RAB3GAP1: variants seen among roughly 807,000 people sequenced by gnomAD.
The protein encoded by RAB3GAP1 is RAB3 GTPase activating protein catalytic subunit 1, also known as rab3 GTPase-activating protein catalytic subunit.
RAB3GAP1 carries 86 observed loss-of-function variants against 130.7 expected under a neutral mutation model. The observed-to-expected ratio is 0.66, with a 90% CI of 0.55 to 0.79. The LOEUF (loss-of-function observed/expected upper bound fraction) is 0.79. Among genes scored for constraint, RAB3GAP1 ranks in the 30% least tolerant of loss-of-function variants. The pLI is 0.00. For missense variants in RAB3GAP1, 1,029 were observed against 1,169.4 expected (o/e 0.88, Z 1.75); for synonymous variants, 367 against 401.7 (o/e 0.91, Z 1.03).
At chr2:135,136,195 G>A (rs1025770974) in intron 17 of RAB3GAP1, among the ~76,000 whole-genome samples, 3 of 152,060 alleles carry the variant, frequency 2.0e-5, no homozygotes, top group East Asian at 1.9e-4. Flanking sequence ...GCACAGTGGC[G>A]CACACCTGTA....
At chr2:135,135,210 T>G (rs1691644992) in intron 15 of RAB3GAP1, 55 bp from the exon 16 acceptor site, 1 of 1,381,186 alleles carries the variant, frequency 7.2e-7, no homozygotes, top group African/African-American at 1.4e-5. Context: ...AATAATCATA[T>G]CTGAAGCAAT....
At chr2:135,056,489 C>T (rs982801920) in intron 2 of RAB3GAP1, among the ~76,000 whole-genome samples, 14 of 152,232 alleles carry the variant, frequency 9.2e-5, no homozygotes, top group African/African-American at 2.9e-4. Context: ...ACGCGTGAGC[C>T]GCTGTGCCTG....
intron 5 of RAB3GAP1, among the ~76,000 whole-genome samples, chr2:135,098,556 G>A (rs1356391997): frequency 1.3e-5 from 2 of 152,042 alleles, no homozygotes; most frequent in Non-Finnish European, 2.9e-5. Context: ...AAAATCTGAG[G>A]GTGAAAGCAG....
At chr2:135,079,761 A>G (rs1689734374) in intron 3 of RAB3GAP1, among the ~76,000 whole-genome samples, 1 of 152,210 alleles carries the variant, frequency 6.6e-6, no homozygotes, top group African/African-American at 2.4e-5. Context: ...GGTAAATGAG[A>G]TGGTAAATCA....
intron 16 of RAB3GAP1, 46 bp downstream of exon 16, chr2:135,135,365 C>A (rs2104950732): frequency 6.5e-7 from 1 of 1,529,018 alleles, no homozygotes; most frequent in Non-Finnish European, 9.1e-7. Flanking sequence ...TTGATTTAAT[C>A]AGATTATTCT....
chr2:135,125,119 T>G (rs916570479), intron 9 of RAB3GAP1, among the ~76,000 whole-genome samples: 5 of 152,210 alleles, frequency 3.3e-5, no homozygotes, highest in African/African-American at 1.2e-4. Context: ...CATTTCCCCT[T>G]AGTCTTCTCA....
At chr2:135,130,776 A>G (rs545791706) in intron 13 of RAB3GAP1, 55 bp downstream of exon 13, 2 of 1,506,726 alleles carry the variant, frequency 1.3e-6, no homozygotes, top group South Asian at 1.1e-5. Flanking sequence ...TATTCATTAT[A>G]TAGCCAGTTC....
intron 5 of RAB3GAP1, 63 bp from the exon 6 acceptor site, chr2:135,113,088 C>G: frequency 6.2e-7 from 1 of 1,608,386 alleles, no homozygotes; most frequent in Admixed American, 1.7e-5. Flanking sequence ...TTGTGCTTTT[C>G]AAGTAATGGA....
chr2:135,064,388 C>G (rs560256901), intron 3 of RAB3GAP1, among the ~76,000 whole-genome samples: 71 of 152,138 alleles, frequency 4.7e-4, no homozygotes, highest in Admixed American at 5.9e-4. Context: ...TCTTTTTTCT[C>G]TCTGTTCCTT....
intron 7 of RAB3GAP1, among the ~76,000 whole-genome samples, chr2:135,120,504 G>A (rs569944355): frequency 6.6e-6 from 1 of 152,238 alleles, no homozygotes; most frequent in African/African-American, 2.4e-5. Context: ...CTTACTATGG[G>A]ATCTTTCCTC....
At chr2:135,135,432 C>A in intron 16 of RAB3GAP1, 113 bp downstream of exon 16, 1 of 1,440,240 alleles carries the variant, frequency 6.9e-7, no homozygotes, top group Non-Finnish European at 9.7e-7. Flanking sequence ...TGTAGGTTGC[C>A]TATAGTCAGT....
chr2:135,103,927 G>C (rs7573600), intron 5 of RAB3GAP1, among the ~76,000 whole-genome samples: 47,669 of 152,054 alleles, frequency 0.31, 11,378 homozygotes, highest in African/African-American at 0.65. Context: ...CTACACATCC[G>C]TAGATGACAG....
At chr2:135,158,266 AT>A (rs1692371454) in intron 19 of RAB3GAP1, among the ~76,000 whole-genome samples, 1 of 152,092 alleles carries the variant, frequency 6.6e-6, no homozygotes, top group Admixed American at 6.6e-5. Flanking sequence ...TTTTTTAGAC[AT>A]TTAGTAACCA....
At chr2:135,062,737 G>A (rs1377127894) in intron 3 of RAB3GAP1, among the ~76,000 whole-genome samples, 1 of 152,108 alleles carries the variant, frequency 6.6e-6, no homozygotes. Flanking sequence ...TAGAGGTCTT[G>A]TATATCCTTT....
intron 3 of RAB3GAP1, among the ~76,000 whole-genome samples, chr2:135,069,230 G>C (rs963670554): frequency 2.0e-5 from 3 of 152,158 alleles, no homozygotes; most frequent in African/African-American, 7.2e-5. Context: ...CTTTGTATAA[G>C]ATATGCAGTG....
intron 3 of RAB3GAP1, among the ~76,000 whole-genome samples, chr2:135,088,688 C>CAA (rs1162700077): frequency 0.14 from 7,824 of 55,498 alleles, 801 homozygotes; most frequent in African/African-American, 0.31. Flanking sequence ...GACTCCATCT[C>CAA]AAAAAAAAAA....
At position 135,134,001 on chromosome 2, in the gene RAB3GAP1, T is replaced by G. The variant is rs1244089156; in HGVS notation, c.1467T>G (p.Arg489=). The G allele has an allele frequency of 1.2e-6, 2 of 1,613,856 alleles. No individual in the cohort carries two copies. The highest frequency in any genetic ancestry group is 3.3e-5 in the Admixed American group (2 of 60,012). ...HLWQEFVLEM[R]FRWENNFLIP... is the part of the protein sequence containing the mutation. Reference sequence around the variant, plus strand: ...GGCAGGAATTTGTTCTTGAAATGCGTTTCCGATGGGAAAACAACTTTCTGA... The same window carrying G: ...GGCAGGAATTTGTTCTTGAAATGCGGTTCCGATGGGAAAACAACTTTCTGA... The change falls in exon 15 of 24, where the codon CGT becomes CGG. Residue 489 remains arginine (R), a synonymous_variant. Transcript: ENST00000264158.
intron 5 of RAB3GAP1, among the ~76,000 whole-genome samples, chr2:135,095,086 T>C (rs1690252439): frequency 6.6e-6 from 1 of 152,134 alleles, no homozygotes; most frequent in South Asian, 2.1e-4. Context: ...TCTCACTCTG[T>C]CGCCCAGGCT....
Position 135,135,454 on chromosome 2 carries a change from T to A in RAB3GAP1, c.1555-110T>A, listed in dbSNP as rs2104950882. 4 of 1,455,046 alleles carry A rather than the reference T, an allele frequency of 2.7e-6. No homozygotes were observed. In the East Asian group the frequency reaches 9.5e-5, roughly 35 times the overall value. The allele number at this position is 1,455,046 out of a possible 1,614,324, so 90.1% of individuals were successfully genotyped here. On this transcript the variant is annotated intron_variant, in intron 16 of 23. Transcript: ENST00000264158. ...TGCCTATAGTCAGTAGTCACTGCAA[T>A]TCACAAGGTCCTGAGAAGTGGAGAG...
Sources: gnomAD v4.1 joint callset for allele counts (sites outside exome capture counted in the v4.1 genomes callset) on GRCh38, gnomAD v4.1.1 for gene constraint, MANE v1.5 for transcripts, NCBI Gene and HGNC (gene_info 2026-07-23, HGNC 2026-07-21) for gene names.